ZNF560: variants seen among roughly 807,000 people sequenced by gnomAD.
The protein encoded by ZNF560 is zinc finger protein 560.
ZNF560 carries 54 observed loss-of-function variants against 81.8 expected under a neutral mutation model. That is an observed-to-expected ratio of 0.66 (90% confidence interval 0.53 to 0.83). ZNF560 has a LOEUF of 0.83. ZNF560 is among the 40% of genes least tolerant of loss of function. ZNF560 has a pLI of 0.00. For missense variants in ZNF560, 940 were observed against 932.4 expected (o/e 1.01, Z -0.11); for synonymous variants, 321 against 317.9 (o/e 1.01, Z -0.10).
At chr19:9,482,991 G>T (rs1312029976) in intron 2 of ZNF560, among the ~76,000 whole-genome samples, 1 of 152,182 alleles carries the variant, frequency 6.6e-6, no homozygotes, top group Non-Finnish European at 1.5e-5. Flanking sequence ...CTGGAGTGCA[G>T]TGGCGTGATC....
chr19:9,469,751 C>CAAGA, intron 7 of ZNF560, 41 bp from the exon 8 acceptor site: 1 of 1,566,536 alleles, frequency 6.4e-7, no homozygotes. Context: ...GAGGCTCATG[C>CAAGA]AAGAAATGGC....
chr19:9,469,456 T>C (rs1184595586), intron 8 of ZNF560, among the ~76,000 whole-genome samples, 174 bp downstream of exon 8: 2 of 152,198 alleles, frequency 1.3e-5, no homozygotes, highest in Non-Finnish European at 2.9e-5. Context: ...TGTTAGGTAA[T>C]AGGGAAGTCT....
intron 2 of ZNF560, among the ~76,000 whole-genome samples, chr19:9,486,957 C>A (rs1478400690): frequency 6.6e-6 from 1 of 152,104 alleles, no homozygotes; most frequent in Non-Finnish European, 1.5e-5. Context: ...CAGCTTATGC[C>A]CCTTCCTTAT....
At chr19:9,449,305 C>A in the ZNF560 span, among the ~76,000 whole-genome samples, 45 of 152,192 alleles carry the variant, frequency 3.0e-4, no homozygotes, top group Middle Eastern at 6.8e-3. Context: ...TACTCTCAGA[C>A]CACAGTGAAA....
At chr19:9,496,798 A>G (rs2073566066) in intron 2 of ZNF560, among the ~76,000 whole-genome samples, 1 of 151,642 alleles carries the variant, frequency 6.6e-6, no homozygotes, top group Admixed American at 6.6e-5. Flanking sequence ...TAGCTGGGCG[A>G]GGTGGCACGT....
chr19:9,504,442 A>T, the ZNF560 span, among the ~76,000 whole-genome samples: 6 of 152,190 alleles, frequency 3.9e-5, no homozygotes, highest in Non-Finnish European at 5.9e-5. Context: ...CTCAAAAAAA[A>T]TAAAAATTAA....
At chr19:9,482,648 C>T (rs1252965541) in intron 2 of ZNF560, among the ~76,000 whole-genome samples, 2 of 147,160 alleles carry the variant, frequency 1.4e-5, no homozygotes, top group African/African-American at 2.6e-5. Flanking sequence ...TCCCCCTCCC[C>T]CTCCCCCTCC....
chr19:9,461,974 G>C (rs982089195), downstream of ZNF560, among the ~76,000 whole-genome samples: 6 of 152,220 alleles, frequency 3.9e-5, no homozygotes, highest in Admixed American at 3.9e-4. Context: ...TGGAGGCTCT[G>C]TGATTTCTAT....
rs1187433063 is a variant in ZNF560, at chr19:9,467,288, G to C, written c.1659C>G (p.Phe553Leu). 6.2e-7 allele frequency: 1 copy of C among 1,614,064 alleles called. No individual in the cohort carries two copies. The highest frequency in any genetic ancestry group is 1.1e-5 in the South Asian group (1 of 91,076). ...GTTTGGTAAGATATGAGCACTTAGT[G>C]AAAGCTTTACCACATTTCTTACATT... The part of the protein sequence containing the change: ...LYQCKKCGKA[F>L]TKCSYLTKHL... The change falls in exon 10 of 10, where the codon TTC becomes TTG. Residue 553 changes from phenylalanine to leucine, a missense_variant. Physicochemically the swap from Phe to Leu is conservative, Grantham distance 22. Coordinates refer to ENST00000301480, the MANE Select transcript of ZNF560 (RefSeq NM_152476.3).
At chr19:9,457,960 C>CT in the ZNF560 span, among the ~76,000 whole-genome samples, 1 of 152,160 alleles carries the variant, frequency 6.6e-6, no homozygotes, top group African/African-American at 2.4e-5. Context: ...AGAGAATACT[C>CT]TAGATTTGCT....
intron 6 of ZNF560, 97 bp from the exon 7 acceptor site, chr19:9,470,615 C>T (rs1260366585): frequency 1.9e-6 from 3 of 1,554,678 alleles, no homozygotes; most frequent in Admixed American, 1.7e-5. Context: ...GTACAGGGTA[C>T]TGAGTGCTCC....
At chr19:9,486,497 T>C (rs1054410146) in intron 2 of ZNF560, among the ~76,000 whole-genome samples, 2 of 152,208 alleles carry the variant, frequency 1.3e-5, no homozygotes, top group Non-Finnish European at 2.9e-5. Flanking sequence ...CCCAGCACTT[T>C]TGGAGGCTGA....
the ZNF560 span, among the ~76,000 whole-genome samples, chr19:9,458,335 G>A: frequency 9.9e-5 from 15 of 152,196 alleles, no homozygotes; most frequent in Non-Finnish European, 1.9e-4. Flanking sequence ...ACCAATTGAA[G>A]GTACTGAGAA....
intron 3 of ZNF560, among the ~76,000 whole-genome samples, chr19:9,474,996 T>A (rs1416632629): frequency 6.6e-6 from 1 of 151,994 alleles, no homozygotes; most frequent in African/African-American, 2.4e-5. Flanking sequence ...GAGTAAAGGA[T>A]GCTTTCATCT....
rs1346585937 is a variant in ZNF560 at position 9,466,756 on chromosome 19, CATG to C, written c.2188_2190del (p.His730del). On this transcript the variant is annotated inframe_deletion, in exon 10 of 10. Transcript: ENST00000301480. Reference sequence around the variant, plus strand: ...GGCTTCTCTCCAGTGTGAATTCGCACATGATTAGTAAGATCTGAATGACAAGTG... The same window carrying C: ...GGCTTCTCTCCAGTGTGAATTCGCACATTAGTAAGATCTGAATGACAAGTG... 5 of 1,613,712 alleles carry C rather than the reference CATG, an allele frequency of 3.1e-6. No individual in the cohort carries two copies. The highest frequency in any genetic ancestry group is 4.5e-5 in the East Asian group (2 of 44,840).
intron 3 of ZNF560, 74 bp from the exon 4 acceptor site, chr19:9,474,399 G>T (rs1413040709): frequency 2.0e-6 from 3 of 1,508,528 alleles, no homozygotes; most frequent in African/African-American, 1.4e-5. Flanking sequence ...TCAGTTAACA[G>T]ACCCCAATGC....
At chr19:9,469,256 A>G (rs1203919038) in intron 8 of ZNF560, 69 bp from the exon 9 acceptor site, 1 of 1,229,346 alleles carries the variant, frequency 8.1e-7, no homozygotes, top group Non-Finnish European at 1.1e-6. Context: ...AAAAGCAGAT[A>G]GATTTGAACA....
chr19:9,485,368 A>G (rs1396584929), intron 2 of ZNF560, among the ~76,000 whole-genome samples: 1 of 152,074 alleles, frequency 6.6e-6, no homozygotes, highest in Admixed American at 6.6e-5. Context: ...GGATGGTTCA[A>G]CATATGCAAA....
At chr19:9,465,133 T>TTTTTC (rs1286527244), downstream of ZNF560, among the ~76,000 whole-genome samples, 1 of 142,124 alleles carries the variant, frequency 7.0e-6, no homozygotes, top group Non-Finnish European at 1.5e-5. Flanking sequence ...CTATTGATTT[T>TTTTTC]TTTTTTTTTT....
Sources: gnomAD v4.1 joint callset for allele counts (sites outside exome capture counted in the v4.1 genomes callset) on GRCh38, gnomAD v4.1.1 for gene constraint, MANE v1.5 for transcripts, NCBI Gene and HGNC (gene_info 2026-07-23, HGNC 2026-07-21) for gene names.